NR2C2: variants seen among roughly 807,000 people sequenced by gnomAD.
NR2C2 encodes Nuclear hormone receptor TR4.
NR2C2 carries 6 observed loss-of-function variants against 62.9 expected under a neutral mutation model. The ratio of observed to expected loss-of-function variants is 0.10; its 90% CI spans 0.05 to 0.19. NR2C2 has a LOEUF of 0.19. NR2C2 is among the 10% of genes least tolerant of loss of function. The probability of loss-of-function intolerance (pLI) is 1.00; values close to 1 mark genes in which losing one functional copy is unlikely to be tolerated. For missense variants in NR2C2, 479 were observed against 762.7 expected (o/e 0.63, Z 4.38); for synonymous variants, 272 against 273.8 (o/e 0.99, Z 0.07).
At chr3:15,031,775 C>T (rs1422923013) in intron 9 of NR2C2, among the ~76,000 whole-genome samples, 1 of 151,432 alleles carries the variant, frequency 6.6e-6, no homozygotes, top group Non-Finnish European at 1.5e-5. Context: ...GTCACCCATA[C>T]TGGAGTGCAG....
At chr3:14,953,678 G>A (rs2039435090) in intron 1 of NR2C2, among the ~76,000 whole-genome samples, 1 of 152,084 alleles carries the variant, frequency 6.6e-6, no homozygotes, top group Non-Finnish European at 1.5e-5. Context: ...GGCGGATCAT[G>A]AGGTCAGGAG....
In NR2C2 at chr3:15,039,105, TAC is replaced by T; in HGVS notation, c.1511-16_1511-15del. 2 of 1,522,332 alleles carry T rather than the reference TAC, an allele frequency of 1.3e-6. No individual in the cohort carries two copies. Among genetic ancestry groups the T allele is most frequent in the East Asian group, 2.4e-5 (1 of 41,696 alleles). The allele number at this position is 1,522,332 out of a possible 1,614,324, so 94.3% of individuals were successfully genotyped here. On this transcript the variant is annotated splice_polypyrimidine_tract_variant and intron_variant, in intron 12 of 13. Transcript: ENST00000425241. ...AAATACAGAGGGAACTGGGGGGGGGTACTTTTCTGTTTTCAGATCATCCAGGT... is the reference window on the plus strand; with the variant it reads ...AAATACAGAGGGAACTGGGGGGGGGTTTTTCTGTTTTCAGATCATCCAGGT...
At chr3:14,993,730 C>T (rs2040736041) in intron 1 of NR2C2, among the ~76,000 whole-genome samples, 3 of 152,128 alleles carry the variant, frequency 2.0e-5, no homozygotes, top group Admixed American at 2.0e-4. Context: ...AATCTCAGGG[C>T]TATTCACTCA....
At chr3:15,026,851 C>A (rs1221806935) in intron 7 of NR2C2, 1 of 152,282 alleles carries the variant, frequency 6.6e-6, no homozygotes, top group Non-Finnish European at 1.5e-5. Context: ...AGGCATGTGC[C>A]ACCATACCCA....
chr3:15,008,647 A>C (rs1169874774), intron 2 of NR2C2, among the ~76,000 whole-genome samples: 1 of 152,170 alleles, frequency 6.6e-6, no homozygotes, highest in Admixed American at 6.5e-5. Context: ...GCTGGAACAG[A>C]GTGGGTAACA....
intron 1 of NR2C2, among the ~76,000 whole-genome samples, chr3:14,956,103 C>G (rs183449016): frequency 3.5e-4 from 53 of 152,314 alleles, no homozygotes; most frequent in Admixed American, 3.3e-3. Flanking sequence ...AAATAATTGG[C>G]TTTCCATTGA....
chr3:15,007,863 C>G lies in NR2C2; in HGVS notation c.72+3877C>G, dbSNP rs114730838. Among the ~76,000 whole-genome samples, 367 of 152,320 alleles carry G rather than the reference C, an allele frequency of 2.4e-3. 1 individual carries two copies. The highest frequency in any genetic ancestry group is 8.2e-3 in the African/African-American group (342 of 41,566). ...CACACACATCGTATCATTTCACTTT[C>G]CTAGTCATCCTTTTTCATAGATATA... On this transcript the variant is annotated intron_variant, in intron 2 of 13. Coordinates refer to ENST00000425241, the MANE Select transcript of NR2C2 (RefSeq NM_001291694.2).
At chr3:14,978,949 A>G (rs2040284606) in intron 1 of NR2C2, among the ~76,000 whole-genome samples, 1 of 152,060 alleles carries the variant, frequency 6.6e-6, no homozygotes, top group African/African-American at 2.4e-5. Context: ...CTGCTTCTCA[A>G]CCCAGGTTTC....
intron 1 of NR2C2, among the ~76,000 whole-genome samples, chr3:14,958,455 G>T (rs1428842229): frequency 1.3e-5 from 2 of 152,034 alleles, no homozygotes; most frequent in South Asian, 4.1e-4. Context: ...TTAACAAGCT[G>T]AATGGGTGAA....
At chr3:14,971,274 T>C (rs1035386071) in intron 1 of NR2C2, among the ~76,000 whole-genome samples, 1 of 151,400 alleles carries the variant, frequency 6.6e-6, no homozygotes, top group Non-Finnish European at 1.5e-5. Context: ...CCCACCATCA[T>C]GCCCTGCTAA....
chr3:15,032,551 C>G (rs750693765), intron 10 of NR2C2, 51 bp downstream of exon 10: 1 of 1,611,710 alleles, frequency 6.2e-7, no homozygotes, highest in Non-Finnish European at 8.5e-7. Flanking sequence ...CCTTCCTCTC[C>G]CTAGGAATGA....
intron 1 of NR2C2, among the ~76,000 whole-genome samples, chr3:15,000,572 C>A (rs942232042): frequency 6.6e-6 from 1 of 152,072 alleles, no homozygotes; most frequent in Non-Finnish European, 1.5e-5. Flanking sequence ...TTTTAATTAC[C>A]GTAGCTTTGT....
intron 13 of NR2C2, 88 bp from the exon 14 acceptor site, chr3:15,042,736 GATTCTGTGCA>G: frequency 9.5e-7 from 1 of 1,057,178 alleles, no homozygotes; most frequent in Non-Finnish European, 1.4e-6. Context: ...CGTTTGGTTT[GATTCTGTGCA>G]ATACAGACGG....
intron 5 of NR2C2, 41 bp downstream of exon 5, chr3:15,020,973 G>A (rs1286435024): frequency 3.1e-5 from 48 of 1,564,222 alleles, no homozygotes; most frequent in Non-Finnish European, 4.1e-5. Context: ...TTAATGTGGA[G>A]GGAGACAGTA....
chr3:14,962,579 C>T (rs1342633297), intron 1 of NR2C2: 1 of 152,262 alleles, frequency 6.6e-6, no homozygotes, highest in East Asian at 1.9e-4. Flanking sequence ...TCAAAACAGT[C>T]CCTTGGAGGT....
At chr3:15,011,597 T>C (rs1398071236) in intron 2 of NR2C2, among the ~76,000 whole-genome samples, 4 of 152,224 alleles carry the variant, frequency 2.6e-5, no homozygotes, top group Non-Finnish European at 5.9e-5. Flanking sequence ...CAGATTGTAA[T>C]GATGAAAGTT....
intron 8 of NR2C2, among the ~76,000 whole-genome samples, chr3:15,029,792 AATAGATAGATAGATAGATAG>A (rs144596298): frequency 1.2e-4 from 17 of 139,194 alleles, no homozygotes; most frequent in South Asian, 2.3e-4. Context: ...GTAAATAAAT[AATAGATAGATAGATAGATAG>A]ATAGATAGAT....
At chr3:14,992,632 A>G (rs2040703957) in intron 1 of NR2C2, among the ~76,000 whole-genome samples, 1 of 152,188 alleles carries the variant, frequency 6.6e-6, no homozygotes, top group African/African-American at 2.4e-5. Flanking sequence ...CATTTGTATT[A>G]ACCTGAGGGG....
rs1353067803 is a variant in NR2C2 at position 14,992,770 on chromosome 3, C to T, written c.-39-11106C>T. On this transcript the variant is annotated intron_variant, in intron 1 of 13. Transcript: ENST00000425241. ...GTGAAATGGAACAGATGATTTTACC[C>T]TCTAAGTATGAGTTTGGAGACCAAG... 2.6e-5 allele frequency among the ~76,000 whole-genome samples: 4 copies of T among 152,190 alleles called. No homozygotes were observed. The East Asian group carries it at 5.8e-4, about 22-fold the overall frequency.
Sources: gnomAD v4.1 joint callset for allele counts (sites outside exome capture counted in the v4.1 genomes callset) on GRCh38, gnomAD v4.1.1 for gene constraint, MANE v1.5 for transcripts, NCBI Gene and HGNC (gene_info 2026-07-23, HGNC 2026-07-21) for gene names.